Variants in IRAK3 observed in about 807,000 individuals in gnomAD.
IRAK3 encodes interleukin 1 receptor associated kinase 3, also known as interleukin-1 receptor-associated kinase 3.
A neutral mutation model predicts 56.6 loss-of-function variants in IRAK3; 57 were observed. The ratio of observed to expected loss-of-function variants is 1.01; its 90% CI spans 0.81 to 1.26. The LOEUF (loss-of-function observed/expected upper bound fraction) is 1.26, where lower values mean the gene tolerates loss of function less well. Ranked by LOEUF, IRAK3 falls within the 50% of genes most tolerant of loss-of-function variation. The pLI is 0.00. For synonymous variants in IRAK3, 258 were observed against 255.7 expected, an observed-to-expected ratio of 1.01 and a Z score of -0.09; for missense variants, 703 against 719.0, an observed-to-expected ratio of 0.98 and a Z score of 0.25.
At chr12:66,193,903 A>G (rs2052423890) in intron 1 of IRAK3, among the ~76,000 whole-genome samples, 1 of 152,142 alleles carries the variant, frequency 6.6e-6, no homozygotes, top group Non-Finnish European at 1.5e-5. Context: ...AAGTCACCAT[A>G]TGCAGTAGAG....
intron 5 of IRAK3, 125 bp downstream of exon 5, chr12:66,211,722 T>C: frequency 2.5e-6 from 2 of 805,966 alleles, no homozygotes; most frequent in Non-Finnish European, 4.1e-6. Context: ...TAAGTGGAAA[T>C]AAGAGATATG....
At chr12:66,210,261 A>G (rs545267660) in intron 4 of IRAK3, 60 bp downstream of exon 4, 2 of 954,124 alleles carry the variant, frequency 2.1e-6, no homozygotes, top group South Asian at 1.3e-5. Flanking sequence ...CATTTAAGTG[A>G]ATTAAGAGGG....
chr12:66,209,129 A>G (rs186397800), intron 2 of IRAK3, among the ~76,000 whole-genome samples: 42 of 150,668 alleles, frequency 2.8e-4, no homozygotes, highest in African/African-American at 9.2e-4. Context: ...GTGCTTTAAT[A>G]TTTTTAATGT....
At chr12:66,235,311 G>T in intron 8 of IRAK3, 2 of 1,242,588 alleles carry the variant, frequency 1.6e-6, no homozygotes, top group Non-Finnish European at 1.0e-6. Flanking sequence ...GGCGGCGGGC[G>T]CGGGCGCGGG....
At position 66,230,816 on chromosome 12, in the gene IRAK3, C is replaced by T. The variant is rs185972775; in HGVS notation, c.887+2446C>T. On this transcript the variant is annotated intron_variant, in intron 8 of 11. Coordinates refer to ENST00000261233, the MANE Select transcript of IRAK3 (RefSeq NM_007199.3). ...GTGACTCGAAGATTTTTCTTTTTCA[C>T]ATGTTTGCTCCCCACCCTCCTCCCA... Among the ~76,000 whole-genome samples the T allele has an allele frequency of 2.0e-5, 3 of 152,246 alleles. No individual in the cohort carries two copies. The East Asian group carries it at 5.8e-4, about 29-fold the overall frequency.
At chr12:66,190,908 C>T (rs1244697103) in intron 1 of IRAK3, among the ~76,000 whole-genome samples, 1 of 152,240 alleles carries the variant, frequency 6.6e-6, no homozygotes, top group African/African-American at 2.4e-5. Context: ...CCACATCTAA[C>T]AGCCTCCCTA....
At chr12:66,244,430 T>G (rs1342169670) in intron 8 of IRAK3, 56 bp from the exon 9 acceptor site, 1 of 1,302,694 alleles carries the variant, frequency 7.7e-7, no homozygotes, top group East Asian at 2.3e-5. Flanking sequence ...TATGTTTGTT[T>G]ACACTGAAGT....
intron 1 of IRAK3, among the ~76,000 whole-genome samples, chr12:66,194,791 C>G (rs540449172): frequency 1.3e-5 from 2 of 149,620 alleles, no homozygotes; most frequent in South Asian, 4.2e-4. Flanking sequence ...ATCACACTAC[C>G]GTACTCCAGA....
chr12:66,238,672 C>T (rs941151273), intron 8 of IRAK3, among the ~76,000 whole-genome samples: 5 of 152,108 alleles, frequency 3.3e-5, no homozygotes, highest in Non-Finnish European at 5.9e-5. Flanking sequence ...GCCTGGAAAG[C>T]GGTGAGAGTA....
At chr12:66,208,344 A>AAC (rs944925616) in intron 2 of IRAK3, among the ~76,000 whole-genome samples, 1 of 115,220 alleles carries the variant, frequency 8.7e-6, no homozygotes, top group Non-Finnish European at 1.7e-5. Context: ...CACACACACA[A>AAC]ACACACACAC....
chr12:66,240,572 G>T (rs1329260005), intron 8 of IRAK3, among the ~76,000 whole-genome samples: 1 of 152,112 alleles, frequency 6.6e-6, no homozygotes, highest in Non-Finnish European at 1.5e-5. Context: ...CATCTGGTTA[G>T]GGGAGGCAGG....
chr12:66,237,187 A>G lies in IRAK3; in HGVS notation c.888-7299A>G, dbSNP rs547252174. On this transcript the variant is annotated intron_variant, in intron 8 of 11. Transcript: ENST00000261233. ...TGACAGTGCTCCACCTTCTCCCAGC[A>G]TTGTGAGGAGGAAGTGAGGTGATAG... is the stretch of plus-strand genomic sequence containing the variant. Among the ~76,000 whole-genome samples, 161 of 152,180 alleles carry G rather than the reference A, an allele frequency of 1.1e-3. 1 individual carries two copies. The highest frequency in any genetic ancestry group is 3.5e-3 in the African/African-American group (147 of 41,514).
At chr12:66,199,877 T>G (rs1429534591) in intron 1 of IRAK3, among the ~76,000 whole-genome samples, 1 of 152,222 alleles carries the variant, frequency 6.6e-6, no homozygotes, top group African/African-American at 2.4e-5. Context: ...TTTTAAAGGC[T>G]TCCTTTTAAA....
At chr12:66,233,459 A>C (rs1047019112) in intron 8 of IRAK3, among the ~76,000 whole-genome samples, 4 of 151,250 alleles carry the variant, frequency 2.6e-5, no homozygotes, top group East Asian at 2.0e-4. Flanking sequence ...CGGAGCTTGC[A>C]GTGAGCCGAG....
intron 8 of IRAK3, among the ~76,000 whole-genome samples, chr12:66,240,102 G>A (rs1443669207): frequency 1.3e-5 from 2 of 152,158 alleles, no homozygotes; most frequent in African/African-American, 4.8e-5. Context: ...TAAGGTAATG[G>A]ACATAGGATG....
At chr12:66,242,845 G>A (rs542119066) in intron 8 of IRAK3, among the ~76,000 whole-genome samples, 14 of 152,290 alleles carry the variant, frequency 9.2e-5, no homozygotes, top group South Asian at 2.1e-4. Context: ...AGGCCGAGGC[G>A]GGTGGATCAC....
At position 66,214,399 on chromosome 12, in the gene IRAK3, G is replaced by A. The variant is rs142604849; in HGVS notation, c.589-2772G>A. ...AAAAAAATTAAAAAAAAAATAGCTG[G>A]GTGTGGTGGTGCCTGCCTGTAGTTC... On this transcript the variant is annotated intron_variant, in intron 5 of 11. Coordinates refer to ENST00000261233, the MANE Select transcript of IRAK3 (RefSeq NM_007199.3). Among the ~76,000 whole-genome samples the A allele has an allele frequency of 2.6e-3, 389 of 152,066 alleles. 5 individuals carry two copies. The highest frequency in any genetic ancestry group is 8.5e-3 in the African/African-American group (351 of 41,494).
At position 66,254,133 on chromosome 12, in the gene IRAK3, T is replaced by C. The variant is rs1358731080; in HGVS notation, c.*5962T>C. 1.3e-5 allele frequency: 2 copies of C among 152,092 alleles called. No homozygotes were observed. Among genetic ancestry groups the C allele is most frequent in the African/African-American group, 2.4e-5 (1 of 41,454 alleles). 9.4% of individuals were successfully genotyped at this position (152,092 alleles called of 1,614,324 possible). On this transcript the variant is annotated 3_prime_UTR_variant, in exon 12 of 12. Coordinates refer to ENST00000261233, the MANE Select transcript of IRAK3 (RefSeq NM_007199.3). ...CTTTCTAGAAGGCAATTTGGCAACA[T>C]GTATGAAAACCTAAATGTTGATACA...
intron 6 of IRAK3, among the ~76,000 whole-genome samples, chr12:66,217,856 G>A (rs1306312938): frequency 1.3e-5 from 2 of 152,186 alleles, no homozygotes; most frequent in East Asian, 3.9e-4. Flanking sequence ...AAGCAGGGAG[G>A]AAGCTGAAGA....
Sources: allele counts gnomAD v4.1 joint callset (sites outside exome capture counted in the v4.1 genomes callset), GRCh38; gene constraint gnomAD v4.1.1; transcripts MANE v1.5; gene names NCBI Gene and HGNC (gene_info 2026-07-23, HGNC 2026-07-21).